The following LRP4 variants were observed in gnomAD, a reference collection of about 807,000 sequenced individuals.
The protein encoded by LRP4 is LDL receptor related protein 4, also known as low-density lipoprotein receptor-related protein 4.
In LRP4, 95 loss-of-function variants were observed where a neutral mutation model predicts 220.3. The ratio of observed to expected loss-of-function variants is 0.43; its 90% CI spans 0.37 to 0.51. LRP4 has a LOEUF of 0.51. Among genes scored for constraint, LRP4 ranks in the 20% least tolerant of loss-of-function variants. The pLI, the probability that LRP4 is intolerant of heterozygous loss-of-function variation, is 0.00. For missense variants in LRP4, 1,925 were observed against 2,567.0 expected, an observed-to-expected ratio of 0.75 and a Z score of 5.40; for synonymous variants, 903 against 954.6, an observed-to-expected ratio of 0.95 and a Z score of 1.00.
intron 1 of LRP4, among the ~76,000 whole-genome samples, chr11:46,910,700 G>A (rs181006652): frequency 1.4e-3 from 2 of 1,430 alleles, no homozygotes; most frequent in Non-Finnish European, 5.2e-3. Flanking sequence ...TTGAGGTGGA[G>A]TCTTGTTCTG....
intron 32 of LRP4, 40 bp from the exon 33 acceptor site, chr11:46,868,753 T>A (rs775141195): frequency 6.9e-7 from 1 of 1,455,526 alleles, no homozygotes; most frequent in Non-Finnish European, 9.7e-7. Flanking sequence ...TGGGACAGAA[T>A]CAGGTCTCCC....
intron 7 of LRP4, among the ~76,000 whole-genome samples, chr11:46,897,993 G>A (rs1378727360): frequency 2.6e-5 from 4 of 151,022 alleles, no homozygotes; most frequent in African/African-American, 4.9e-5. Context: ...GCGGCTGGCC[G>A]GGCGGGGGGC....
chr11:46,896,545 G>C (rs1468388145), intron 8 of LRP4, among the ~76,000 whole-genome samples: 1 of 152,218 alleles, frequency 6.6e-6, no homozygotes, highest in African/African-American at 2.4e-5. Context: ...GAGGAATATG[G>C]AACAGAATGA....
At position 46,895,960 on chromosome 11, in the gene LRP4, G is replaced by A. The variant is rs1941520922; in HGVS notation, c.1107C>T (p.Cys369=). 1 of 1,613,934 alleles carries A rather than the reference G, an allele frequency of 6.2e-7. No individual in the cohort carries two copies. ...NVNNGGCAQK[C]QMVRGAVQCT... is the part of the protein sequence containing the mutation. ...ACTGCACTGCCCCCCGCACCATCTGGCACTTCTGGGCACAGCCACCGTTGT... is the reference window on the plus strand; with the variant it reads ...ACTGCACTGCCCCCCGCACCATCTGACACTTCTGGGCACAGCCACCGTTGT... Residue 369 remains cysteine, a synonymous_variant, in exon 10 of 38, where the codon TGC becomes TGT. Transcript: ENST00000378623.
In LRP4 at chr11:46,896,948, G is replaced by A; in HGVS notation, c.843C>T (p.Arg281=). 1 of 1,614,260 alleles carries A rather than the reference G, an allele frequency of 6.2e-7. No homozygotes were observed. Among genetic ancestry groups the A allele is most frequent in the Non-Finnish European group, 8.5e-7 (1 of 1,180,048 alleles). ...TAEQFRCHSG[R]CVRLSWRCDG... is the part of the protein sequence containing the mutation. ...CACAGCGCCAGGACAGGCGGACACA[G>A]CGGCCTGAGTGACAGCGGAACTGTT... Residue 281 remains arginine (R), a synonymous_variant, in exon 8 of 38, where the codon CGC becomes CGT. Coordinates refer to ENST00000378623, the MANE Select transcript of LRP4 (RefSeq NM_002334.4).
intron 1 of LRP4, among the ~76,000 whole-genome samples, chr11:46,916,259 T>C (rs1941945215): frequency 1.3e-5 from 2 of 151,882 alleles, no homozygotes; most frequent in South Asian, 4.2e-4. Context: ...GGCAACATGG[T>C]GAAACCCCAT....
rs1255859575 is a variant in LRP4, at chr11:46,890,290, A to G, written c.1902T>C (p.Ala634=). The change falls in exon 14 of 38, where the codon GCT becomes GCC. Residue 634 remains alanine, a synonymous_variant. Coordinates refer to ENST00000378623, the MANE Select transcript of LRP4 (RefSeq NM_002334.4). The surrounding 1 kb of genome is among the most constrained non-coding windows in gnomAD (Gnocchi z 5.3). ...GAAGGGGCTCACCCTGGCTAATGAC[A>G]GCCTTACGGTGACTCCCATCCAGAT... The part of the protein sequence containing the change: ...RANLDGSHRK[A]VISQGLPHPF... The G allele has an allele frequency of 1.2e-6, 2 of 1,614,184 alleles. No homozygotes were observed. The highest frequency in any genetic ancestry group is 8.5e-7 in the Non-Finnish European group (1 of 1,180,018).
intron 1 of LRP4, among the ~76,000 whole-genome samples, chr11:46,910,291 G>A (rs969299226): frequency 1.3e-5 from 2 of 152,120 alleles, no homozygotes; most frequent in African/African-American, 2.4e-5. Flanking sequence ...CTGACCCTGG[G>A]CAGCTATTTA....
At chr11:46,887,882 G>A (rs1232976386) in intron 16 of LRP4, among the ~76,000 whole-genome samples, 2 of 151,630 alleles carry the variant, frequency 1.3e-5, no homozygotes, top group Non-Finnish European at 2.9e-5. Context: ...AGGTGTGACA[G>A]TGTATGCCTG....
chr11:46,875,319 A>C lies in LRP4; in HGVS notation c.3925+137T>G. ...GCCATACCCAGAGAGAACACAGCCC[A>C]ATCTGGAAGGGAGCTTAAACAGGTC... is the stretch of plus-strand genomic sequence containing the variant. On this transcript the variant is annotated intron_variant, in intron 27 of 37. Transcript: ENST00000378623. This position sits in a 1 kb window ranked among gnomAD's most constrained non-coding sequence, Gnocchi z 4.5. 1 of 924,868 alleles carries C rather than the reference A, an allele frequency of 1.1e-6. No homozygotes were observed. Among genetic ancestry groups the C allele is most frequent in the South Asian group, 1.4e-5 (1 of 70,854 alleles). 57.3% of individuals were successfully genotyped at this position (924,868 alleles called of 1,614,324 possible).
chr11:46,883,946 T>C lies in LRP4; in HGVS notation c.2537A>G (p.Asp846Gly), dbSNP rs1941222286. 1 of 1,614,138 alleles carries C rather than the reference T, an allele frequency of 6.2e-7. No individual in the cohort carries two copies. Among genetic ancestry groups the C allele is most frequent in the Non-Finnish European group, 8.5e-7 (1 of 1,179,942 alleles). Residue 846 changes from aspartate to glycine, a missense_variant, in exon 19 of 38, where the codon GAT becomes GGT. Physicochemically the swap from Asp to Gly is moderately conservative, Grantham distance 94. This residue lies in a region of LRP4 where 1,244 missense variants were observed against 1,624.9 expected (regional missense o/e 0.77). Coordinates refer to ENST00000378623, the MANE Select transcript of LRP4 (RefSeq NM_002334.4). ...GTDRIEVANT[D>G]GSMRTVLIWE... Reference sequence around the variant, plus strand: ...GATGAGTACTGTTCTCATGCTGCCATCTGTGTTGGCTACTTCAATCCGGTC... The same window carrying C: ...GATGAGTACTGTTCTCATGCTGCCACCTGTGTTGGCTACTTCAATCCGGTC...
chr11:46,910,491 G>C (rs1941840820), intron 1 of LRP4, among the ~76,000 whole-genome samples: 1 of 152,130 alleles, frequency 6.6e-6, no homozygotes, highest in Non-Finnish European at 1.5e-5. Flanking sequence ...CCCCAGAACT[G>C]TCACATCCAA....
intron 1 of LRP4, among the ~76,000 whole-genome samples, chr11:46,903,964 T>G (rs1011304055): frequency 1.1e-4 from 16 of 152,152 alleles, no homozygotes; most frequent in African/African-American, 3.9e-4. Context: ...CCAGCTGCTG[T>G]GCCCCCTCCC....
At chr11:46,878,510 G>C (rs1347834656) in intron 22 of LRP4, among the ~76,000 whole-genome samples, 1 of 152,008 alleles carries the variant, frequency 6.6e-6, no homozygotes, top group Non-Finnish European at 1.5e-5. Context: ...CTGACCTCTA[G>C]TGATTTGCCT....
chr11:46,882,835 C>T (rs1340680337), intron 19 of LRP4, among the ~76,000 whole-genome samples: 1 of 151,678 alleles, frequency 6.6e-6, no homozygotes, highest in South Asian at 2.1e-4. Flanking sequence ...CCATCCTGGG[C>T]CACAGAGCAA....
intron 34 of LRP4, among the ~76,000 whole-genome samples, chr11:46,866,631 AT>A (rs1469060419): frequency 6.6e-6 from 1 of 152,072 alleles, no homozygotes; most frequent in East Asian, 1.9e-4. Flanking sequence ...AGTCATTAGA[AT>A]TTTTTGCCAG....
At chr11:46,909,136 A>G (rs1167494027) in intron 1 of LRP4, among the ~76,000 whole-genome samples, 1 of 152,142 alleles carries the variant, frequency 6.6e-6, no homozygotes. Context: ...TAGAATGCAC[A>G]GCTGAAGGTG....
chr11:46,860,577 A>C (rs987431882), intron 37 of LRP4, among the ~76,000 whole-genome samples: 3 of 152,228 alleles, frequency 2.0e-5, no homozygotes, highest in African/African-American at 7.2e-5. Flanking sequence ...GAGTTCTGCA[A>C]CTGTGGCTGT....
At chr11:46,884,736 CAAAAAAA>C (rs71042633) in intron 18 of LRP4, among the ~76,000 whole-genome samples, 2 of 40,758 alleles carry the variant, frequency 4.9e-5, no homozygotes, top group East Asian at 7.5e-4. Flanking sequence ...GACTCCGTCT[CAAAAAAA>C]AAAAAAAAAA....
Sources: allele counts gnomAD v4.1 joint callset (sites outside exome capture counted in the v4.1 genomes callset), GRCh38; gene constraint gnomAD v4.1.1; regional missense constraint gnomAD v4.1.1; non-coding constraint Gnocchi (gnomAD v3.1); transcripts MANE v1.5; gene names NCBI Gene and HGNC (gene_info 2026-07-23, HGNC 2026-07-21).